The following PPP2R2B variants were observed in gnomAD, a reference collection of about 807,000 sequenced individuals.
The protein encoded by PPP2R2B is serine/threonine-protein phosphatase 2A 55 kDa regulatory subunit B beta isoform.
Under a neutral mutation model 46.0 loss-of-function variants are expected in PPP2R2B, and 5 were observed. The observed-to-expected ratio is 0.11, with a 90% CI of 0.06 to 0.23. The LOEUF is 0.23. PPP2R2B is among the 10% of genes least tolerant of loss of function. The probability of loss-of-function intolerance (pLI) is 1.00; values close to 1 mark genes in which losing one functional copy is unlikely to be tolerated. For missense variants in PPP2R2B, 367 were observed against 575.0 expected (o/e 0.64, Z 3.70); for synonymous variants, 215 against 206.7 (o/e 1.04, Z -0.34).
intron 1 of PPP2R2B, among the ~76,000 whole-genome samples, chr5:146,959,977 C>T (rs1752096447): frequency 6.6e-6 from 1 of 152,122 alleles, no homozygotes. Flanking sequence ...CATGGAGGAG[C>T]CATTGATAGG....
rs558353803 is a variant in PPP2R2B at position 146,717,574 on chromosome 5, G to A, written c.71-16432C>T. Among the ~76,000 whole-genome samples, 14 of 152,226 alleles carry A rather than the reference G, an allele frequency of 9.2e-5. No individual in the cohort carries two copies. The South Asian group carries it at 2.5e-3, about 27-fold the overall frequency. On this transcript the variant is annotated intron_variant, in intron 2 of 9. Transcript: ENST00000394411. ...GCACTGAAGATATAGACTCAACACTGGCCACAATCTCAAATATACCTCCTG... is the reference window on the plus strand; with the variant it reads ...GCACTGAAGATATAGACTCAACACTAGCCACAATCTCAAATATACCTCCTG...
intron 1 of PPP2R2B, among the ~76,000 whole-genome samples, chr5:146,935,697 A>G (rs1764116409): frequency 6.6e-6 from 1 of 152,310 alleles, no homozygotes; most frequent in East Asian, 1.9e-4. Flanking sequence ...AGAGAAAAAA[A>G]GTTCTCATAG....
chr5:146,761,192 C>T (rs1271086573), intron 2 of PPP2R2B, among the ~76,000 whole-genome samples: 16 of 152,186 alleles, frequency 1.1e-4, no homozygotes, highest in Non-Finnish European at 1.3e-4. Context: ...ATAAATCATG[C>T]TGCTATAAAG....
intron 1 of PPP2R2B, among the ~76,000 whole-genome samples, chr5:146,922,989 C>T (rs1161213358): frequency 2.0e-5 from 3 of 152,000 alleles, no homozygotes; most frequent in East Asian, 1.9e-4. Context: ...TAGGAGTAAG[C>T]GAGATGTCAT....
intron 2 of PPP2R2B, among the ~76,000 whole-genome samples, chr5:146,757,747 C>T (rs748251623): frequency 4.6e-5 from 7 of 152,184 alleles, no homozygotes; most frequent in Non-Finnish European, 1.0e-4. Context: ...GGTACTTAGA[C>T]TATCCTGTGG....
chr5:146,853,729 A>G (rs1192538292), intron 2 of PPP2R2B, among the ~76,000 whole-genome samples: 1 of 152,056 alleles, frequency 6.6e-6, no homozygotes, highest in Non-Finnish European at 1.5e-5. Context: ...TCCACAGAAT[A>G]AGGAAAATAA....
intron 2 of PPP2R2B, among the ~76,000 whole-genome samples, chr5:146,816,484 G>A (rs1162324381): frequency 6.6e-6 from 1 of 152,112 alleles, no homozygotes; most frequent in Non-Finnish European, 1.5e-5. Context: ...TTCTATAATA[G>A]AGTTTATGCG....
At chr5:146,905,323 C>T (rs894487362) in intron 1 of PPP2R2B, among the ~76,000 whole-genome samples, 3 of 152,198 alleles carry the variant, frequency 2.0e-5, no homozygotes, top group African/African-American at 4.8e-5. Flanking sequence ...TCCTCTCCTG[C>T]ATATTTATTA....
chr5:146,904,413 T>C (rs755952689), intron 1 of PPP2R2B, among the ~76,000 whole-genome samples: 65 of 152,198 alleles, frequency 4.3e-4, no homozygotes, highest in Non-Finnish European at 8.5e-4. Context: ...AGAGATTAAA[T>C]ATCTACTCAG....
intron 2 of PPP2R2B, among the ~76,000 whole-genome samples, chr5:146,709,054 T>A (rs1780067917): frequency 6.6e-6 from 1 of 152,232 alleles, no homozygotes; most frequent in South Asian, 2.1e-4. Flanking sequence ...TGTAATACGT[T>A]CTGTTTGATC....
chr5:146,979,084 T>C lies in PPP2R2B; in HGVS notation c.79+76581A>G, dbSNP rs140023309. On this transcript the variant is annotated intron_variant, in intron 1 of 8. Coordinates refer to the PPP2R2B transcript ENST00000336640. ...TCTCTTTTCCCATTTCTACTTACTC[T>C]ACTTCAGTAACATTGGTCTCCTTGC... Among the ~76,000 whole-genome samples the C allele has an allele frequency of 2.2e-3, 333 of 152,330 alleles. 2 individuals are homozygous for C. Among genetic ancestry groups the C allele is most frequent in the Non-Finnish European group, 2.6e-3 (177 of 68,026 alleles).
At chr5:146,614,897 GT>G (rs1314552171) in intron 7 of PPP2R2B, among the ~76,000 whole-genome samples, 1 of 109,822 alleles carries the variant, frequency 9.1e-6, no homozygotes, top group Admixed American at 9.1e-5. Context: ...CTTTTACACT[GT>G]TGGTGGGACT....
At chr5:146,982,110 C>A (rs528724287) in intron 1 of PPP2R2B, among the ~76,000 whole-genome samples, 28 of 152,216 alleles carry the variant, frequency 1.8e-4, no homozygotes, top group African/African-American at 6.0e-4. Flanking sequence ...TTCCTCCTTG[C>A]TTTGAGCTTA....
chr5:146,818,424 G>A (rs774963510), intron 2 of PPP2R2B, among the ~76,000 whole-genome samples: 2 of 151,290 alleles, frequency 1.3e-5, no homozygotes, highest in Middle Eastern at 3.2e-3. Context: ...TAACTTGGTG[G>A]TTGATGGGCA....
chr5:147,011,386 A>G (rs545571944), intron 1 of PPP2R2B, among the ~76,000 whole-genome samples: 28 of 152,212 alleles, frequency 1.8e-4, no homozygotes, highest in African/African-American at 6.3e-4. Context: ...AACATGTCAT[A>G]TATATCACCA....
At chr5:146,670,341 G>A (rs1275074070) in intron 5 of PPP2R2B, among the ~76,000 whole-genome samples, 1 of 152,096 alleles carries the variant, frequency 6.6e-6, no homozygotes, top group Non-Finnish European at 1.5e-5. Context: ...AACTCAGTTG[G>A]TCTGAGGTGA....
At chr5:146,867,173 T>C (rs904137316) in intron 2 of PPP2R2B, among the ~76,000 whole-genome samples, 4 of 152,184 alleles carry the variant, frequency 2.6e-5, no homozygotes, top group South Asian at 4.1e-4. Context: ...AAGTAGGAGA[T>C]ATAAAAATTG....
intron 1 of PPP2R2B, among the ~76,000 whole-genome samples, chr5:147,002,631 C>T (rs1754231399): frequency 6.6e-6 from 1 of 150,946 alleles, no homozygotes; most frequent in African/African-American, 2.5e-5. Context: ...GTAAGGGCCA[C>T]TAAATCCAAC....
intron 3 of PPP2R2B, among the ~76,000 whole-genome samples, chr5:146,700,474 G>C (rs899342812): frequency 1.3e-5 from 2 of 152,144 alleles, no homozygotes; most frequent in African/African-American, 4.8e-5. Context: ...CTCCTGCTCA[G>C]AAATGGTCCT....
Sources: allele counts gnomAD v4.1 joint callset (sites outside exome capture counted in the v4.1 genomes callset), GRCh38; gene constraint gnomAD v4.1.1; transcripts MANE v1.5; gene names NCBI Gene and HGNC (gene_info 2026-07-23, HGNC 2026-07-21).